CADM2: variants seen among roughly 807,000 people sequenced by gnomAD.
CADM2 encodes the protein cell adhesion molecule 2.
Under a neutral mutation model 49.8 loss-of-function variants are expected in CADM2, and 12 were observed. That is an observed-to-expected ratio of 0.24 (90% CI 0.15 to 0.39). The LOEUF (loss-of-function observed/expected upper bound fraction) is 0.39. Among genes scored for constraint, CADM2 ranks in the 10% least tolerant of loss-of-function variants. CADM2 has a pLI of 1.00. For missense variants in CADM2, 378 were observed against 492.3 expected (o/e 0.77, Z 2.20); for synonymous variants, 214 against 175.4 (o/e 1.22, Z -1.74).
At chr3:85,241,996 C>A (rs2042541245) in intron 1 of CADM2, among the ~76,000 whole-genome samples, 1 of 150,984 alleles carries the variant, frequency 6.6e-6, no homozygotes, top group Non-Finnish European at 1.5e-5. Flanking sequence ...TTGCATGCCC[C>A]ACATGATTCC....
rs928708717 is a variant in CADM2 at position 86,070,284 on chromosome 3, C to T, written c.*3501C>T. On this transcript the variant is annotated 3_prime_UTR_variant, in exon 10 of 10. Coordinates refer to ENST00000383699, the MANE Select transcript of CADM2 (RefSeq NM_001167675.2). The stretch of plus-strand genomic sequence containing the variant: ...GTACAGGCTCATTTGTAATTATGTA[C>T]TCATGATTGTAACAGCATTGAGATT... 2 of 151,882 alleles carry T rather than the reference C, an allele frequency of 1.3e-5. No homozygotes were observed. Among genetic ancestry groups the T allele is most frequent in the African/African-American group, 2.4e-5 (1 of 41,396 alleles). The allele number at this position is 151,882 out of a possible 1,614,324, so 9.4% of individuals were successfully genotyped here.
intron 6 of CADM2, among the ~76,000 whole-genome samples, chr3:85,933,178 CA>C (rs1017170467): frequency 1.3e-5 from 2 of 152,050 alleles, no homozygotes; most frequent in Non-Finnish European, 2.9e-5. Context: ...CTGACAAGGG[CA>C]AAAGTGCCTA....
intron 8 of CADM2, chr3:86,013,848 T>G: frequency 1.9e-6 from 3 of 1,592,856 alleles, no homozygotes; most frequent in Non-Finnish European, 2.6e-6. Flanking sequence ...TAGTGGATTT[T>G]CTTCCAAAAT....
chr3:85,342,805 A>T (rs1391643894), intron 1 of CADM2, among the ~76,000 whole-genome samples: 1 of 152,164 alleles, frequency 6.6e-6, no homozygotes, highest in Non-Finnish European at 1.5e-5. Flanking sequence ...GAGTATTGTC[A>T]TGAAGATTTT....
At chr3:85,542,705 A>G (rs2061575812) in intron 1 of CADM2, among the ~76,000 whole-genome samples, 1 of 152,202 alleles carries the variant, frequency 6.6e-6, no homozygotes, top group African/African-American at 2.4e-5. Context: ...AGAAAGAAAA[A>G]CATTATCCCT....
chr3:85,996,290 C>CTTTTTTTTTTTTT (rs397990432), intron 8 of CADM2, among the ~76,000 whole-genome samples: 7 of 89,304 alleles, frequency 7.8e-5, no homozygotes, highest in Non-Finnish European at 1.1e-4. Context: ...TTTTCATTTA[C>CTTTTTTTTTTTTT]TTTTTTTTTT....
chr3:85,161,802 G>C (rs761086695), intron 1 of CADM2, among the ~76,000 whole-genome samples: 9 of 152,058 alleles, frequency 5.9e-5, no homozygotes, highest in Non-Finnish European at 1.3e-4. Context: ...CGGATCACTT[G>C]AGGTCAGGAG....
chr3:84,992,405 C>A (rs977062348), intron 1 of CADM2, among the ~76,000 whole-genome samples: 4 of 92,086 alleles, frequency 4.3e-5, no homozygotes, highest in African/African-American at 1.1e-4. Flanking sequence ...CCGAGGCGGG[C>A]GGATCACGAG....
intron 8 of CADM2, among the ~76,000 whole-genome samples, chr3:86,062,377 G>T (rs1019835843): frequency 6.6e-6 from 1 of 152,106 alleles, no homozygotes; most frequent in African/African-American, 2.4e-5. Flanking sequence ...ACAAGAAATA[G>T]ATATTAGAGA....
chr3:85,306,145 A>T (rs1171542555), intron 1 of CADM2, among the ~76,000 whole-genome samples: 2 of 151,708 alleles, frequency 1.3e-5, no homozygotes, highest in East Asian at 3.9e-4. Context: ...CTAAGGATGC[A>T]TCTAAGGCGG....
intron 1 of CADM2, among the ~76,000 whole-genome samples, chr3:85,636,362 A>G (rs183366888): frequency 6.6e-6 from 1 of 152,308 alleles, no homozygotes; most frequent in Admixed American, 6.5e-5. Context: ...TTAAAAAATG[A>G]AAAATTGAAA....
At chr3:85,009,710 G>GA (rs1357117190) in intron 1 of CADM2, among the ~76,000 whole-genome samples, 2 of 151,572 alleles carry the variant, frequency 1.3e-5, no homozygotes, top group Non-Finnish European at 2.9e-5. Flanking sequence ...TACTAAAATA[G>GA]AAAAAATCAA....
chr3:85,092,148 C>T (rs546374013), intron 1 of CADM2, among the ~76,000 whole-genome samples: 213 of 152,232 alleles, frequency 1.4e-3, no homozygotes, highest in African/African-American at 5.0e-3. Flanking sequence ...ACAATGCGCC[C>T]TGTCCTGGAA....
chr3:85,774,536 G>A (rs1218076443), intron 2 of CADM2, among the ~76,000 whole-genome samples: 1 of 150,864 alleles, frequency 6.6e-6, no homozygotes, highest in Non-Finnish European at 1.5e-5. Context: ...TACCTTTTTT[G>A]CAAAAATATT....
intron 5 of CADM2, among the ~76,000 whole-genome samples, chr3:85,908,264 T>C (rs1223868286): frequency 8.8e-4 from 132 of 149,852 alleles, no homozygotes; most frequent in African/African-American, 3.0e-3. Flanking sequence ...CTTTTTTTTT[T>C]TTTTTTTTTT....
In CADM2 at chr3:85,274,424, G is replaced by C. The variant is rs1480485389; in HGVS notation, c.61+314756G>C. Among the ~76,000 whole-genome samples, 6 of 151,564 alleles carry C rather than the reference G, an allele frequency of 4.0e-5. No individual in the cohort carries two copies. The East Asian group carries it at 1.2e-3, about 30-fold the overall frequency. ...CTTAGAAGAGATGAGAAGGGATCTA[G>C]GACATATGTAGCAGAGAGCAGCAAC... On this transcript the variant is annotated intron_variant, in intron 1 of 9. Coordinates refer to ENST00000383699, the MANE Select transcript of CADM2 (RefSeq NM_001167675.2).
rs2063389357 is a variant in CADM2, at chr3:85,601,161, TATATATATATATACACAC to T, written c.62-125359_62-125342del. Among the ~76,000 whole-genome samples, 3 of 75,710 alleles carry T rather than the reference TATATATATATATACACAC, an allele frequency of 4.0e-5. No individual in the cohort carries two copies. The South Asian group carries it at 1.5e-3, about 38-fold the overall frequency. The allele number at this position is 75,710 out of a possible 152,430, so 49.7% of individuals were successfully genotyped here. ...ATATATATATATATATATATATATA[TATATATATATATACACAC>T]ACACACACACATACATGTCATTTGC... On this transcript the variant is annotated intron_variant, in intron 1 of 9. Coordinates refer to ENST00000383699, the MANE Select transcript of CADM2 (RefSeq NM_001167675.2).
intron 1 of CADM2, among the ~76,000 whole-genome samples, chr3:85,496,522 T>C (rs2039906423): frequency 6.6e-6 from 1 of 152,184 alleles, no homozygotes. Context: ...TGTGTCTTTT[T>C]AGTAGAATGA....
intron 1 of CADM2, among the ~76,000 whole-genome samples, chr3:85,458,808 C>A (rs1454065622): frequency 6.6e-6 from 1 of 152,048 alleles, no homozygotes; most frequent in Non-Finnish European, 1.5e-5. Context: ...GAAACTTTCA[C>A]TTGAGGAATA....
Sources: gnomAD v4.1 joint callset for allele counts (sites outside exome capture counted in the v4.1 genomes callset) on GRCh38, gnomAD v4.1.1 for gene constraint, MANE v1.5 for transcripts, NCBI Gene and HGNC (gene_info 2026-07-23, HGNC 2026-07-21) for gene names.